Variants in BAZ1A observed in about 807,000 individuals in gnomAD.
The protein encoded by BAZ1A is bromodomain adjacent to zinc finger domain 1A, also known as bromodomain adjacent to zinc finger domain protein 1A.
In BAZ1A, 50 loss-of-function variants were observed where a neutral mutation model predicts 185.2. The observed-to-expected ratio is 0.27, with a 90% CI of 0.22 to 0.34. The LOEUF (loss-of-function observed/expected upper bound fraction) is 0.34, where lower values mean the gene tolerates loss of function less well. Among genes scored for constraint, BAZ1A ranks in the 10% least tolerant of loss-of-function variants. BAZ1A has a pLI of 1.00. For missense variants in BAZ1A, 1,356 were observed against 1,839.9 expected, an observed-to-expected ratio of 0.74 and a Z score of 4.81; for synonymous variants, 571 against 615.6, an observed-to-expected ratio of 0.93 and a Z score of 1.07.
intron 2 of BAZ1A, among the ~76,000 whole-genome samples, chr14:34,872,941 A>AAAAAAAAAAAAAAAAAAAAAAAAAAAAC (rs1555346584): frequency 1.6e-5 from 2 of 122,620 alleles, no homozygotes; most frequent in African/African-American, 3.3e-5. Context: ...AAAAAAAAAA[A>AAAAAAAAAAAAAAAAAAAAAAAAAAAAC]CTTGTCCAAT....
At chr14:34,818,467 A>T (rs529472757) in intron 4 of BAZ1A, among the ~76,000 whole-genome samples, 3 of 152,348 alleles carry the variant, frequency 2.0e-5, no homozygotes, top group African/African-American at 7.2e-5. Context: ...AGGGCATTAA[A>T]TATACATTTT....
rs748814052 is a variant in BAZ1A, at chr14:34,807,870, C to T, written c.639-332G>A. Among the ~76,000 whole-genome samples, 159 of 151,986 alleles carry T rather than the reference C, an allele frequency of 1.0e-3. 1 individual carries two copies. The highest frequency in any genetic ancestry group is 1.3e-3 in the Non-Finnish European group (91 of 68,002). On this transcript the variant is annotated intron_variant, in intron 5 of 26. Coordinates refer to ENST00000360310, the MANE Select transcript of BAZ1A (RefSeq NM_013448.3). ...CCTGTAATCCCAGCACTTTGCGAGG[C>T]CGAGGCGGGTGGATGACGAGGTCAG...
Position 34,847,588 on chromosome 14 carries a change from A to C in BAZ1A, c.392+14456T>G, listed in dbSNP as rs543509243. Among the ~76,000 whole-genome samples, 8 of 152,272 alleles carry C rather than the reference A, an allele frequency of 5.3e-5. No individual in the cohort carries two copies. In the East Asian group the frequency reaches 1.5e-3, roughly 29 times the overall value. On this transcript the variant is annotated intron_variant, in intron 3 of 26. Coordinates refer to ENST00000360310, the MANE Select transcript of BAZ1A (RefSeq NM_013448.3). ...CAAAAACTTCTACTTGATTAATCCC[A>C]CATGTACCCAATCACTGGCATCCAA...
intron 21 of BAZ1A, among the ~76,000 whole-genome samples, chr14:34,766,125 C>T (rs892553387): frequency 6.6e-6 from 1 of 152,112 alleles, no homozygotes; most frequent in African/African-American, 2.4e-5. Context: ...GCAAGTTAAC[C>T]CATCTGTCTC....
intron 23 of BAZ1A, among the ~76,000 whole-genome samples, chr14:34,764,289 C>CTTTTTTTTTT (rs34861206): frequency 1.8e-5 from 2 of 111,850 alleles, no homozygotes; most frequent in Non-Finnish European, 3.5e-5. Context: ...TTTTTCTTTT[C>CTTTTTTTTTT]TTTTTTTTTT....
chr14:34,783,910 G>A lies in BAZ1A; in HGVS notation c.1849C>T (p.Leu617Phe), dbSNP rs1880226855. 2 of 1,590,258 alleles carry A rather than the reference G, an allele frequency of 1.3e-6. No individual in the cohort carries two copies. The highest frequency in any genetic ancestry group is 2.3e-5 in the East Asian group (1 of 44,414). ...AGTAGCTTTCCACAGAGAGCATGGAGTATCTTCATTTTTTCTCCTGTCAAA... is the reference window on the plus strand; with the variant it reads ...AGTAGCTTTCCACAGAGAGCATGGAATATCTTCATTTTTTCTCCTGTCAAA... ...DLTPGEKMKILHALCGKLLTL... is the reference protein window; with the variant it reads ...DLTPGEKMKIFHALCGKLLTL... Residue 617 changes from leucine to phenylalanine, a missense_variant, in exon 15 of 27, where the codon CTC becomes TTC. Physicochemically the swap from Leu to Phe is conservative, Grantham distance 22. This residue lies in a region of BAZ1A where 184 missense variants were observed against 355.1 expected (regional missense o/e 0.52). Transcript: ENST00000360310.
chr14:34,861,955 A>G, intron 3 of BAZ1A, 89 bp downstream of exon 3: 1 of 1,424,352 alleles, frequency 7.0e-7, no homozygotes, highest in Non-Finnish European at 9.6e-7. Context: ...GTAAAAGGGA[A>G]GATTTCCTTA....
chr14:34,820,064 T>C (rs1383499407), intron 4 of BAZ1A, among the ~76,000 whole-genome samples: 34 of 152,076 alleles, frequency 2.2e-4, no homozygotes, highest in Admixed American at 2.2e-3. Context: ...GCCATCTATA[T>C]GGCTTCTTTG....
At chr14:34,780,753 G>A (rs979889914) in intron 16 of BAZ1A, among the ~76,000 whole-genome samples, 2 of 152,322 alleles carry the variant, frequency 1.3e-5, no homozygotes, top group East Asian at 1.9e-4. Flanking sequence ...AAAAGGCAGG[G>A]TGAGATTAGG....
At chr14:34,763,951 T>C (rs1747447198) in intron 23 of BAZ1A, among the ~76,000 whole-genome samples, 1 of 152,180 alleles carries the variant, frequency 6.6e-6, no homozygotes, top group African/African-American at 2.4e-5. Flanking sequence ...CTTGTGGATA[T>C]AAAATTCTAA....
intron 12 of BAZ1A, among the ~76,000 whole-genome samples, chr14:34,792,432 A>G (rs1009803353): frequency 6.6e-6 from 1 of 152,128 alleles, no homozygotes; most frequent in Non-Finnish European, 1.5e-5. Flanking sequence ...ATACCCCAAA[A>G]AAACAAAGAA....
chr14:34,814,891 AG>A (rs2041983197), intron 4 of BAZ1A, among the ~76,000 whole-genome samples: 1 of 151,766 alleles, frequency 6.6e-6, no homozygotes, highest in African/African-American at 2.4e-5. Context: ...CTCCTGCCTC[AG>A]CCTCCCGAGT....
Position 34,874,868 on chromosome 14 carries a change from C to T in BAZ1A, c.-58-206G>A, listed in dbSNP as rs1374678105. 35 of 357,170 alleles carry T rather than the reference C, an allele frequency of 9.8e-5. No homozygotes were observed. In the South Asian group the frequency reaches 1.3e-3, roughly 13 times the overall value. 22.1% of individuals were successfully genotyped at this position (357,170 alleles called of 1,614,324 possible). ...GCCCCTGCCCCCCGAGCGCGCCCTA[C>T]CTCCTCTCGTCCTGCCGCCGCCTCA... On this transcript the variant is annotated intron_variant, in intron 1 of 26. Transcript: ENST00000360310. The surrounding 1 kb of genome is among the most constrained non-coding windows in gnomAD (Gnocchi z 4.7).
At chr14:34,771,792 A>T (rs1879238266) in intron 20 of BAZ1A, 133 bp from the exon 21 acceptor site, 1 of 734,316 alleles carries the variant, frequency 1.4e-6, no homozygotes, top group Non-Finnish European at 2.1e-6. Flanking sequence ...GAGTTGCAGT[A>T]AACTAGTAGG....
chr14:34,840,483 G>A (rs1357823951), intron 3 of BAZ1A, among the ~76,000 whole-genome samples: 1 of 152,102 alleles, frequency 6.6e-6, no homozygotes, highest in African/African-American at 2.4e-5. Context: ...ATTAGGCTGG[G>A]CGAGATGGCT....
At chr14:34,862,918 T>C (rs532216767) in intron 2 of BAZ1A, among the ~76,000 whole-genome samples, 11 of 151,760 alleles carry the variant, frequency 7.2e-5, no homozygotes, top group South Asian at 2.1e-4. Context: ...TTCTATTCAG[T>C]GCTCTTCTAT....
intron 3 of BAZ1A, among the ~76,000 whole-genome samples, chr14:34,842,944 G>A (rs1208981390): frequency 6.6e-6 from 1 of 151,826 alleles, no homozygotes; most frequent in Non-Finnish European, 1.5e-5. Context: ...ACATTTGAGG[G>A]GTGCCCACTC....
At chr14:34,856,385 G>A (rs2042679129) in intron 3 of BAZ1A, among the ~76,000 whole-genome samples, 1 of 48,432 alleles carries the variant, frequency 2.1e-5, no homozygotes, top group African/African-American at 6.5e-5. Context: ...TCCTGGGCTC[G>A]TGATCCTCCT....
intron 5 of BAZ1A, among the ~76,000 whole-genome samples, chr14:34,809,477 T>C (rs1195251598): frequency 6.6e-6 from 1 of 152,196 alleles, no homozygotes; most frequent in East Asian, 1.9e-4. Context: ...ACATGTAACA[T>C]TTCCATTATA....
Sources: gnomAD v4.1 joint callset for allele counts (sites outside exome capture counted in the v4.1 genomes callset) on GRCh38, gnomAD v4.1.1 for gene constraint, gnomAD v4.1.1 regional missense constraint, Gnocchi (gnomAD v3.1) non-coding constraint, MANE v1.5 for transcripts, NCBI Gene and HGNC (gene_info 2026-07-23, HGNC 2026-07-21) for gene names.